GRIP1: variants seen among roughly 807,000 people sequenced by gnomAD.
GRIP1 encodes glutamate receptor interacting protein 1, also known as glutamate receptor-interacting protein 1.
GRIP1 carries 45 observed loss-of-function variants against 129.9 expected under a neutral mutation model. The ratio of observed to expected loss-of-function variants is 0.35; its 90% confidence interval spans 0.27 to 0.44. The LOEUF (loss-of-function observed/expected upper bound fraction) is 0.44, where lower values mean the gene tolerates loss of function less well. Ranked by LOEUF, GRIP1 falls within the 20% of genes least tolerant of loss-of-function variation. GRIP1 has a pLI of 1.00. For synonymous variants in GRIP1, 530 were observed against 520.8 expected (o/e 1.02, Z -0.24); for missense variants, 1,196 against 1,396.8 (o/e 0.86, Z 2.29).
At chr12:66,620,944 T>G (rs565287501) in intron 1 of GRIP1, among the ~76,000 whole-genome samples, 1 of 152,246 alleles carries the variant, frequency 6.6e-6, no homozygotes, top group Non-Finnish European at 1.5e-5. Context: ...CCTAATTCAC[T>G]CAGGTTTAGA....
chr12:66,763,603 G>A (rs949933654), intron 1 of GRIP1, among the ~76,000 whole-genome samples: 3 of 152,018 alleles, frequency 2.0e-5, no homozygotes, highest in Non-Finnish European at 2.9e-5. Flanking sequence ...CTGTGAGGAC[G>A]ATCACTGAAA....
intron 1 of GRIP1, among the ~76,000 whole-genome samples, chr12:66,849,289 C>T (rs1371680440): frequency 3.9e-5 from 6 of 152,144 alleles, no homozygotes; most frequent in Non-Finnish European, 8.8e-5. Context: ...CATCTCACAT[C>T]CAAACCTCCT....
chr12:66,722,125 G>C (rs935154980), intron 1 of GRIP1, among the ~76,000 whole-genome samples: 3 of 152,162 alleles, frequency 2.0e-5, no homozygotes, highest in Non-Finnish European at 4.4e-5. Flanking sequence ...CTTTCAAGGA[G>C]TTTTCCTTTG....
At chr12:66,831,193 A>G (rs1476434059) in intron 1 of GRIP1, among the ~76,000 whole-genome samples, 1 of 152,144 alleles carries the variant, frequency 6.6e-6, no homozygotes. Context: ...AAAAAAAGTA[A>G]TATCTGAATT....
intron 1 of GRIP1, among the ~76,000 whole-genome samples, chr12:66,910,805 G>A (rs190449931): frequency 1.7e-4 from 26 of 152,252 alleles, no homozygotes; most frequent in Admixed American, 1.6e-3. Flanking sequence ...CTTCAAAGGT[G>A]CTTCAAGGAC....
At position 66,831,136 on chromosome 12, in the gene GRIP1, G is replaced by A. The variant is rs145051000; in HGVS notation, c.59-234209C>T. ...CCCAAAGTGCTGGTATTACAGGTGC[G>A]AGCTACGGCACACAGCTTCCTCAGG... On this transcript the variant is annotated intron_variant, in intron 1 of 1. Coordinates refer to the GRIP1 transcript ENST00000643019. Among the ~76,000 whole-genome samples the A allele has an allele frequency of 8.4e-3, 1,277 of 152,114 alleles. 5 individuals carry two copies. The highest frequency in any genetic ancestry group is 0.014 in the Middle Eastern group (4 of 294).
At chr12:66,635,424 T>TA (rs35271117) in intron 1 of GRIP1, among the ~76,000 whole-genome samples, 56 of 144,142 alleles carry the variant, frequency 3.9e-4, no homozygotes, top group East Asian at 2.8e-3. Context: ...ACCCTGTCTC[T>TA]AAAAAAAAAA....
intron 1 of GRIP1, among the ~76,000 whole-genome samples, chr12:66,982,151 T>C (rs1037350947): frequency 1.3e-5 from 2 of 152,194 alleles, no homozygotes; most frequent in Admixed American, 6.5e-5. Flanking sequence ...ATTTAATAGG[T>C]AGCAGATCTA....
intron 1 of GRIP1, among the ~76,000 whole-genome samples, chr12:67,007,556 G>T (rs944805633): frequency 6.6e-6 from 1 of 152,156 alleles, no homozygotes; most frequent in East Asian, 1.9e-4. Flanking sequence ...TATGATGTCG[G>T]TGTTGAGACT....
At chr12:66,645,520 T>G (rs1297712901) in intron 1 of GRIP1, among the ~76,000 whole-genome samples, 2 of 152,232 alleles carry the variant, frequency 1.3e-5, no homozygotes, top group African/African-American at 4.8e-5. Context: ...TGTAACACTT[T>G]CAGTCATGAA....
intron 1 of GRIP1, among the ~76,000 whole-genome samples, chr12:66,902,834 C>T (rs769809346): frequency 2.6e-5 from 4 of 152,074 alleles, no homozygotes; most frequent in East Asian, 1.9e-4. Flanking sequence ...TTGTTGTTAG[C>T]GCTTTTGAAT....
chr12:66,569,009 G>T, intron 2 of GRIP1: 1 of 467,322 alleles, frequency 2.1e-6, no homozygotes, highest in Non-Finnish European at 4.2e-6. Flanking sequence ...CTATCTGCGT[G>T]CTTCTCAGCA....
At chr12:66,360,038 AAATCATTGCCTTTCC>A (rs1193075501) in intron 23 of GRIP1, among the ~76,000 whole-genome samples, 1 of 152,210 alleles carries the variant, frequency 6.6e-6, no homozygotes, top group Non-Finnish European at 1.5e-5. Flanking sequence ...CTGGGCAGCA[AAATCATTGCCTTTCC>A]AAGAATGAGG....
intron 1 of GRIP1, among the ~76,000 whole-genome samples, chr12:66,886,028 C>G (rs537894906): frequency 6.6e-6 from 1 of 152,222 alleles, no homozygotes; most frequent in South Asian, 2.1e-4. Flanking sequence ...TTTGGGAAAC[C>G]AAGTTGGGTG....
chr12:66,753,641 C>T (rs902257116), intron 1 of GRIP1, among the ~76,000 whole-genome samples: 3 of 152,240 alleles, frequency 2.0e-5, no homozygotes, highest in Admixed American at 6.5e-5. Context: ...TTTCCCTCTG[C>T]CTTAGGCAGA....
intron 1 of GRIP1, among the ~76,000 whole-genome samples, chr12:66,729,814 T>G (rs2036375063): frequency 6.6e-6 from 1 of 152,092 alleles, no homozygotes; most frequent in Non-Finnish European, 1.5e-5. Context: ...GACCTCGTAA[T>G]CCACCCACCT....
chr12:66,678,770 T>G, intron 1 of GRIP1, 80 bp downstream of exon 1: 1 of 1,328,404 alleles, frequency 7.5e-7, no homozygotes, highest in Admixed American at 1.7e-5. Context: ...GCAGTCATAT[T>G]TGAAAGTAAA....
chr12:66,935,119 T>G (rs1309197904), intron 1 of GRIP1, among the ~76,000 whole-genome samples: 1 of 152,240 alleles, frequency 6.6e-6, no homozygotes, highest in African/African-American at 2.4e-5. Context: ...GCTTTGACTG[T>G]GAAGATTTTC....
chr12:66,865,467 T>G (rs1466314257), intron 1 of GRIP1, among the ~76,000 whole-genome samples: 1 of 138,772 alleles, frequency 7.2e-6, no homozygotes, highest in African/African-American at 2.5e-5. Flanking sequence ...CAGATCTTTG[T>G]GGTAGTTTTT....
Sources: gnomAD v4.1 joint callset for allele counts (sites outside exome capture counted in the v4.1 genomes callset) on GRCh38, gnomAD v4.1.1 for gene constraint, MANE v1.5 for transcripts, NCBI Gene and HGNC (gene_info 2026-07-23, HGNC 2026-07-21) for gene names.